The following PAXIP1 variants were observed in gnomAD, a reference collection of about 807,000 sequenced individuals.
PAXIP1 encodes PAX interacting protein 1.
PAXIP1 carries 19 observed loss-of-function variants against 140.6 expected under a neutral mutation model. The ratio of observed to expected loss-of-function variants is 0.14; its 90% CI spans 0.09 to 0.20. The LOEUF is 0.20. Among genes scored for constraint, PAXIP1 ranks in the 10% least tolerant of loss-of-function variants. The pLI, the probability that PAXIP1 is intolerant of heterozygous loss-of-function variation, is 1.00. For missense variants in PAXIP1, 920 were observed against 1,208.6 expected (o/e 0.76, Z 3.54); for synonymous variants, 442 against 444.6 (o/e 0.99, Z 0.07).
At chr7:154,944,851 G>A (rs1356818460) in intron 20 of PAXIP1, 2 of 152,042 alleles carry the variant, frequency 1.3e-5, no homozygotes, top group Admixed American at 1.3e-4. Context: ...AATAGATGGC[G>A]GTATGGAATA....
At chr7:154,944,304 C>G in intron 20 of PAXIP1, 140 bp from the exon 21 acceptor site, 2 of 660,800 alleles carry the variant, frequency 3.0e-6, no homozygotes, top group Admixed American at 2.9e-5. Flanking sequence ...TCAAACCAGT[C>G]GCTCTGCTGC....
chr7:154,998,571 A>G (rs952492690), intron 2 of PAXIP1, 79 bp downstream of exon 2: 5 of 899,668 alleles, frequency 5.6e-6, no homozygotes, highest in African/African-American at 1.7e-5. Context: ...AACCCTGAAA[A>G]GAGCTATAGT....
intron 5 of PAXIP1, among the ~76,000 whole-genome samples, chr7:154,980,707 T>G (rs531605861): frequency 1.3e-5 from 2 of 152,342 alleles, no homozygotes; most frequent in African/African-American, 4.8e-5. Context: ...AGCCACCACT[T>G]CTGGCCCATG....
chr7:154,973,282 T>C lies in PAXIP1; in HGVS notation c.1074+2414A>G, dbSNP rs1809417586. ...TCCTCCGGGACCCAACAAGGTGACA[T>C]GGAGCGGTGGGCACTGAAGCAGGCC... On this transcript the variant is annotated intron_variant, in intron 6 of 20. Coordinates refer to ENST00000404141, the MANE Select transcript of PAXIP1 (RefSeq NM_007349.4). The surrounding 1 kb of genome is among the most constrained non-coding windows in gnomAD (Gnocchi z 4.0). 6.6e-6 allele frequency among the ~76,000 whole-genome samples: 1 copy of C among 152,012 alleles called. No individual in the cohort carries two copies. The highest frequency in any genetic ancestry group is 2.4e-5 in the African/African-American group (1 of 41,390).
At chr7:154,995,183 A>G (rs184265239) in intron 2 of PAXIP1, among the ~76,000 whole-genome samples, 2 of 152,310 alleles carry the variant, frequency 1.3e-5, no homozygotes, top group East Asian at 3.9e-4. Flanking sequence ...GCAATGCACT[A>G]CAAGATTAGG....
intron 13 of PAXIP1, among the ~76,000 whole-genome samples, chr7:154,959,184 T>TA (rs1221966290): frequency 6.6e-6 from 1 of 152,190 alleles, no homozygotes; most frequent in Non-Finnish European, 1.5e-5. Context: ...ATCCCTAAAT[T>TA]ACCTCTGTAT....
intron 13 of PAXIP1, among the ~76,000 whole-genome samples, chr7:154,957,973 C>CAAAAAAA (rs35027196): frequency 2.2e-5 from 2 of 91,714 alleles, no homozygotes; most frequent in African/African-American, 4.4e-5. Context: ...GACTCCGTCT[C>CAAAAAAA]AAAAAAAAAA....
intron 9 of PAXIP1, 29 bp from the exon 10 acceptor site, chr7:154,962,487 GT>G: frequency 1.3e-6 from 2 of 1,590,380 alleles, no homozygotes; most frequent in Non-Finnish European, 1.7e-6. Context: ...TAGGTTTGTT[GT>G]TTTTGTTTTT....
intron 5 of PAXIP1, among the ~76,000 whole-genome samples, chr7:154,977,243 A>G (rs1219947666): frequency 2.0e-5 from 3 of 152,228 alleles, no homozygotes; most frequent in South Asian, 2.1e-4. Context: ...AAAATGTTAA[A>G]TAAGAGTAAT....
At chr7:154,969,875 C>T (rs1809217186) in intron 6 of PAXIP1, among the ~76,000 whole-genome samples, 1 of 152,132 alleles carries the variant, frequency 6.6e-6, no homozygotes, top group African/African-American at 2.4e-5. Context: ...ATGATGCTTC[C>T]TCAAAAATGA....
At chr7:154,962,993 A>C (rs889222153) in intron 9 of PAXIP1, among the ~76,000 whole-genome samples, 1 of 152,208 alleles carries the variant, frequency 6.6e-6, no homozygotes, top group Admixed American at 6.5e-5. Context: ...ATGAAACTTC[A>C]GAGAGCACAG....
chr7:154,981,492 GA>G (rs780027749), intron 5 of PAXIP1, among the ~76,000 whole-genome samples: 13 of 152,090 alleles, frequency 8.5e-5, no homozygotes, highest in South Asian at 8.3e-4. Context: ...AATCAAGAAT[GA>G]AGAACAAATA....
Position 154,968,979 on chromosome 7 carries a change from G to GCT in PAXIP1, c.1221_1222insAG (p.Gln408SerfsTer18). 1 of 1,545,030 alleles carries GCT rather than the reference G, an allele frequency of 6.5e-7. No homozygotes were observed. Among genetic ancestry groups the GCT allele is most frequent in the South Asian group, 1.2e-5 (1 of 83,438 alleles). On this transcript the variant is annotated frameshift_variant, in exon 7 of 21. Transcript: ENST00000404141. LOFTEE classifies it high-confidence loss of function. ...ACCGGGTGCTGCTGCTGCTGCTGCT[G>GCT]GGCCTGCTGCTGCTGCTGTAGCATG...
At chr7:154,992,319 T>C (rs4518615) in intron 3 of PAXIP1, among the ~76,000 whole-genome samples, 88,262 of 151,928 alleles carry the variant, frequency 0.58, 25,828 homozygotes, top group Admixed American at 0.66. Flanking sequence ...GAGGCCGAGG[T>C]GGGTGGACCA....
chr7:154,967,983 C>T (rs567495600), intron 7 of PAXIP1, 73 bp from the exon 8 acceptor site: 57 of 949,766 alleles, frequency 6.0e-5, no homozygotes, highest in South Asian at 4.0e-4. Context: ...TAAAAAGTGG[C>T]GCCTCACAAT....
At chr7:154,983,670 T>C (rs754707890) in intron 4 of PAXIP1, 3 of 190,316 alleles carry the variant, frequency 1.6e-5, no homozygotes, top group Non-Finnish European at 3.2e-5. Context: ...AGAACTAGTA[T>C]GCCATTCCAG....
intron 2 of PAXIP1, among the ~76,000 whole-genome samples, chr7:154,998,105 G>T (rs1045416597): frequency 6.6e-6 from 1 of 152,178 alleles, no homozygotes; most frequent in Non-Finnish European, 1.5e-5. Flanking sequence ...GATTACTTAC[G>T]ACATACAGAA....
At chr7:154,978,498 G>T (rs1302893984) in intron 5 of PAXIP1, among the ~76,000 whole-genome samples, 3 of 152,076 alleles carry the variant, frequency 2.0e-5, no homozygotes, top group Non-Finnish European at 4.4e-5. Context: ...AAAAAATCAT[G>T]CTGTTCTTAA....
At chr7:154,998,129 T>C (rs1161135458) in intron 2 of PAXIP1, among the ~76,000 whole-genome samples, 4 of 152,174 alleles carry the variant, frequency 2.6e-5, no homozygotes, top group Non-Finnish European at 5.9e-5. Context: ...ATGCTCTACC[T>C]TGGTTTAGCT....
Sources: gnomAD v4.1 joint callset for allele counts (sites outside exome capture counted in the v4.1 genomes callset) on GRCh38, gnomAD v4.1.1 for gene constraint, Gnocchi (gnomAD v3.1) non-coding constraint, MANE v1.5 for transcripts, NCBI Gene and HGNC (gene_info 2026-07-23, HGNC 2026-07-21) for gene names.